PLPPR1: variants seen among roughly 807,000 people sequenced by gnomAD.
PLPPR1 encodes the protein phospholipid phosphatase-related protein type 1.
Under a neutral mutation model 33.1 loss-of-function variants are expected in PLPPR1, and 10 were observed. The observed-to-expected ratio is 0.30, with a 90% CI of 0.19 to 0.51. PLPPR1 has a LOEUF of 0.51. Among genes scored for constraint, PLPPR1 ranks in the 20% least tolerant of loss-of-function variants. PLPPR1 has a pLI of 0.97. For missense variants in PLPPR1, 304 were observed against 408.1 expected (o/e 0.74, Z 2.20); for synonymous variants, 151 against 151.0 (o/e 1.00, Z 0.00).
chr9:101,154,524 T>C (rs1456773768), intron 1 of PLPPR1, among the ~76,000 whole-genome samples: 1 of 152,192 alleles, frequency 6.6e-6, no homozygotes, highest in African/African-American at 2.4e-5. Context: ...TCTCTGATGG[T>C]AGTCTGTATT....
chr9:101,070,273 C>G (rs1830466035), intron 1 of PLPPR1, among the ~76,000 whole-genome samples: 1 of 151,998 alleles, frequency 6.6e-6, no homozygotes, highest in African/African-American at 2.4e-5. Context: ...TCATTTATGT[C>G]AGTATGGACT....
At chr9:101,050,480 T>G (rs1008596094) in intron 1 of PLPPR1, among the ~76,000 whole-genome samples, 2 of 152,180 alleles carry the variant, frequency 1.3e-5, no homozygotes, top group Non-Finnish European at 2.9e-5. Flanking sequence ...TATCCAGACA[T>G]CTGTGAGGAA....
intron 1 of PLPPR1, among the ~76,000 whole-genome samples, chr9:101,150,122 A>C (rs751955911): frequency 2.0e-5 from 3 of 152,008 alleles, no homozygotes; most frequent in Non-Finnish European, 4.4e-5. Flanking sequence ...TTCTCTGCCA[A>C]CTTACTCTTT....
chr9:101,279,743 T>G (rs895115701), intron 3 of PLPPR1, among the ~76,000 whole-genome samples: 1 of 151,980 alleles, frequency 6.6e-6, no homozygotes, highest in African/African-American at 2.4e-5. Flanking sequence ...AGAAAGAAGT[T>G]AAGAAATATT....
intron 1 of PLPPR1, among the ~76,000 whole-genome samples, chr9:101,098,550 G>A (rs531354456): frequency 1.3e-5 from 2 of 152,162 alleles, no homozygotes; most frequent in South Asian, 4.2e-4. Flanking sequence ...GGAACAAAGA[G>A]GCTAAAGATG....
intron 4 of PLPPR1, among the ~76,000 whole-genome samples, chr9:101,302,066 T>G (rs1341769): frequency 0.41 from 61,784 of 152,026 alleles, 13,370 homozygotes; most frequent in African/African-American, 0.57. Context: ...CTTACTATTC[T>G]GTTTGTAACC....
chr9:101,238,114 C>CAT (rs1407182786), intron 2 of PLPPR1, among the ~76,000 whole-genome samples: 15 of 133,250 alleles, frequency 1.1e-4, no homozygotes, highest in African/African-American at 4.1e-4. Flanking sequence ...AGCCTATATA[C>CAT]GTGTGTGTAT....
At chr9:101,135,165 C>T (rs1831363534) in intron 1 of PLPPR1, among the ~76,000 whole-genome samples, 1 of 152,128 alleles carries the variant, frequency 6.6e-6, no homozygotes. Flanking sequence ...CTGCTATCCC[C>T]ATGGTAATTT....
chr9:101,208,057 G>A (rs1826621339), intron 2 of PLPPR1, among the ~76,000 whole-genome samples: 1 of 152,126 alleles, frequency 6.6e-6, no homozygotes, highest in Admixed American at 6.5e-5. Flanking sequence ...CCTAAAGCTG[G>A]GGTGCAGCTC....
chr9:101,253,302 C>A (rs986523403), intron 2 of PLPPR1, among the ~76,000 whole-genome samples: 1 of 151,868 alleles, frequency 6.6e-6, no homozygotes, highest in Non-Finnish European at 1.5e-5. Context: ...AATCCCAGCA[C>A]TTTGGGAGGC....
chr9:101,247,227 A>G (rs1827627234), intron 2 of PLPPR1, among the ~76,000 whole-genome samples: 1 of 151,868 alleles, frequency 6.6e-6, no homozygotes, highest in Non-Finnish European at 1.5e-5. Context: ...ACGCCCAACA[A>G]TGTGTCATTT....
chr9:101,140,444 A>G (rs1026899197), intron 1 of PLPPR1, among the ~76,000 whole-genome samples: 7 of 152,186 alleles, frequency 4.6e-5, no homozygotes, highest in Non-Finnish European at 1.0e-4. Context: ...TCGGTATGCA[A>G]AATGTTCTTC....
chr9:101,029,296 C>G (rs1829910779), intron 1 of PLPPR1, among the ~76,000 whole-genome samples, 194 bp downstream of exon 1: 1 of 152,310 alleles, frequency 6.6e-6, no homozygotes, highest in South Asian at 2.1e-4. Flanking sequence ...TCGCCTCCTG[C>G]GAGGTGTCAG....
At chr9:101,255,831 A>G (rs1220371539) in intron 2 of PLPPR1, among the ~76,000 whole-genome samples, 2 of 150,040 alleles carry the variant, frequency 1.3e-5, no homozygotes, top group Admixed American at 1.3e-4. Flanking sequence ...TTTGCAAAGC[A>G]AAACAATTTT....
intron 2 of PLPPR1, among the ~76,000 whole-genome samples, chr9:101,220,583 T>G (rs1420612743): frequency 1.3e-5 from 2 of 152,192 alleles, no homozygotes; most frequent in Non-Finnish European, 2.9e-5. Context: ...TTAGCTCCCT[T>G]TCTTTATCCT....
intron 2 of PLPPR1, among the ~76,000 whole-genome samples, chr9:101,268,342 T>A (rs1828036518): frequency 6.6e-6 from 1 of 152,052 alleles, no homozygotes; most frequent in Non-Finnish European, 1.5e-5. Context: ...GTTGCAGAAT[T>A]ACTATCCCAG....
intron 1 of PLPPR1, among the ~76,000 whole-genome samples, chr9:101,130,145 T>G (rs935627948): frequency 1.3e-5 from 2 of 152,196 alleles, no homozygotes; most frequent in Non-Finnish European, 2.9e-5. Context: ...ATTTACACTT[T>G]AAATATGTTC....
At chr9:101,213,160 G>A (rs1018862350) in intron 2 of PLPPR1, among the ~76,000 whole-genome samples, 1 of 152,112 alleles carries the variant, frequency 6.6e-6, no homozygotes, top group African/African-American at 2.4e-5. Flanking sequence ...CTATCTAATA[G>A]TCTACTCGAT....
intron 4 of PLPPR1, among the ~76,000 whole-genome samples, chr9:101,288,903 C>T (rs1016256340): frequency 6.6e-6 from 1 of 152,170 alleles, no homozygotes; most frequent in African/African-American, 2.4e-5. Context: ...ATCTATTGAC[C>T]GTTTTGTAGC....
Sources: gnomAD v4.1 joint callset for allele counts (sites outside exome capture counted in the v4.1 genomes callset) on GRCh38, gnomAD v4.1.1 for gene constraint, MANE v1.5 for transcripts, NCBI Gene and HGNC (gene_info 2026-07-23, HGNC 2026-07-21) for gene names.